The following CTNNBIP1 variants were observed in gnomAD, a reference collection of about 807,000 sequenced individuals.
CTNNBIP1 encodes the protein catenin beta interacting protein 1.
A neutral mutation model predicts 11.8 loss-of-function variants in CTNNBIP1; 7 were observed. That is an observed-to-expected ratio of 0.60 (90% CI 0.34 to 1.12). The LOEUF is 1.12. CTNNBIP1 is among the 50% of genes most tolerant of loss of function. The probability of loss-of-function intolerance (pLI) is 0.03; values close to 1 mark genes in which losing one functional copy is unlikely to be tolerated. For missense variants in CTNNBIP1, 101 were observed against 113.4 expected (o/e 0.89, Z 0.50); for synonymous variants, 58 against 43.9 (o/e 1.32, Z -1.26).
intron 3 of CTNNBIP1, among the ~76,000 whole-genome samples, chr1:9,874,613 C>T (rs1188946570): frequency 2.8e-5 from 4 of 143,274 alleles, no homozygotes; most frequent in Admixed American, 1.3e-4. Context: ...TGCCCACTGC[C>T]CACTGCCAAG....
chr1:9,892,599 AAAAAG>A (rs1023474416), intron 1 of CTNNBIP1, among the ~76,000 whole-genome samples: 4 of 152,022 alleles, frequency 2.6e-5, no homozygotes, highest in African/African-American at 9.7e-5. Context: ...TCAAAAAAAA[AAAAAG>A]AAAAGAAGTT....
At chr1:9,900,487 A>C (rs1639501808) in intron 1 of CTNNBIP1, among the ~76,000 whole-genome samples, 1 of 152,206 alleles carries the variant, frequency 6.6e-6, no homozygotes, top group Non-Finnish European at 1.5e-5. Flanking sequence ...TAAGCACTTC[A>C]ATCTCCACTG....
At chr1:9,897,449 G>A (rs1256456145) in intron 1 of CTNNBIP1, among the ~76,000 whole-genome samples, 7 of 151,552 alleles carry the variant, frequency 4.6e-5, no homozygotes, top group Non-Finnish European at 7.4e-5. Flanking sequence ...GCGAGACTCC[G>A]TCTCAAAAAA....
At chr1:9,865,569 A>C (rs1638726755) in intron 5 of CTNNBIP1, among the ~76,000 whole-genome samples, 1 of 152,112 alleles carries the variant, frequency 6.6e-6, no homozygotes, top group Non-Finnish European at 1.5e-5. Flanking sequence ...GCACCATTGC[A>C]CTCCAGCCTG....
At chr1:9,907,379 C>A (rs1010384199) in intron 1 of CTNNBIP1, among the ~76,000 whole-genome samples, 1 of 152,118 alleles carries the variant, frequency 6.6e-6, no homozygotes, top group Admixed American at 6.5e-5. Flanking sequence ...CCATGTTGCC[C>A]AGGCTGGTCT....
intron 1 of CTNNBIP1, among the ~76,000 whole-genome samples, chr1:9,886,196 G>A (rs903171812): frequency 6.6e-6 from 1 of 152,164 alleles, no homozygotes; most frequent in African/African-American, 2.4e-5. Context: ...GGACAGAGAG[G>A]CGGGAGGGGA....
intron 3 of CTNNBIP1, among the ~76,000 whole-genome samples, chr1:9,876,845 TACACAC>T (rs34192085): frequency 0.048 from 6,599 of 138,102 alleles, 267 homozygotes; most frequent in African/African-American, 0.12. Context: ...CTGCTATACA[TACACAC>T]ACACACACAC....
chr1:9,885,381 G>A (rs1434470750), intron 1 of CTNNBIP1, among the ~76,000 whole-genome samples: 1 of 152,110 alleles, frequency 6.6e-6, no homozygotes, highest in Admixed American at 6.6e-5. Flanking sequence ...TGTAGAAAGG[G>A]GGTGATAACA....
chr1:9,865,468 G>C (rs903606262), intron 5 of CTNNBIP1, among the ~76,000 whole-genome samples: 1 of 151,960 alleles, frequency 6.6e-6, no homozygotes, highest in Non-Finnish European at 1.5e-5. Flanking sequence ...GCCAGGCGTG[G>C]TGGCGGGCGC....
At chr1:9,889,243 ACCCTCATATT>A (rs1377128156) in intron 1 of CTNNBIP1, among the ~76,000 whole-genome samples, 1 of 152,140 alleles carries the variant, frequency 6.6e-6, no homozygotes, top group African/African-American at 2.4e-5. Flanking sequence ...ATCCAAGCTT[ACCCTCATATT>A]CCCTCTACAG....
chr1:9,869,830 T>C (rs1638825115), intron 5 of CTNNBIP1, among the ~76,000 whole-genome samples: 1 of 152,110 alleles, frequency 6.6e-6, no homozygotes, highest in South Asian at 2.1e-4. Flanking sequence ...TCAGAAGCCA[T>C]GGTAGAGGGT....
intron 5 of CTNNBIP1, among the ~76,000 whole-genome samples, chr1:9,857,451 G>A (rs1341734329): frequency 4.9e-5 from 7 of 143,034 alleles, no homozygotes; most frequent in Non-Finnish European, 7.5e-5. Context: ...AGATAGCACC[G>A]CTGCACTCCA....
intron 1 of CTNNBIP1, among the ~76,000 whole-genome samples, chr1:9,907,085 C>A (rs991134046): frequency 6.6e-6 from 1 of 152,304 alleles, no homozygotes; most frequent in Non-Finnish European, 1.5e-5. Context: ...CTGTGTAACC[C>A]CCAAGGTCCT....
At chr1:9,879,121 T>C (rs1253015833) in intron 2 of CTNNBIP1, among the ~76,000 whole-genome samples, 2 of 151,886 alleles carry the variant, frequency 1.3e-5, no homozygotes, top group East Asian at 1.9e-4. Flanking sequence ...CGGTTGAACC[T>C]GGGAGGCAGA....
chr1:9,898,823 T>C (rs1458529523), intron 1 of CTNNBIP1, among the ~76,000 whole-genome samples: 1 of 152,194 alleles, frequency 6.6e-6, no homozygotes, highest in Non-Finnish European at 1.5e-5. Flanking sequence ...CTTTAAATCA[T>C]CTCTAGATTA....
chr1:9,892,086 A>C (rs1639313384), intron 1 of CTNNBIP1, among the ~76,000 whole-genome samples: 2 of 151,782 alleles, frequency 1.3e-5, no homozygotes, highest in African/African-American at 4.8e-5. Context: ...CATTATAGAC[A>C]TGAGCCACCG....
intron 5 of CTNNBIP1, among the ~76,000 whole-genome samples, chr1:9,866,475 C>T (rs1324806085): frequency 1.3e-5 from 2 of 152,192 alleles, no homozygotes; most frequent in African/African-American, 2.4e-5. Flanking sequence ...GTATGGATCA[C>T]CTGAAGTCAG....
intron 5 of CTNNBIP1, among the ~76,000 whole-genome samples, chr1:9,866,751 G>A (rs558542989): frequency 6.6e-6 from 1 of 152,070 alleles, no homozygotes; most frequent in African/African-American, 2.4e-5. Flanking sequence ...CTCCAGCTGT[G>A]GGGGTAGAGA....
rs370993229 is a variant in CTNNBIP1 at position 9,866,356 on chromosome 1, C to T, written c.187+4831G>A. On this transcript the variant is annotated intron_variant, in intron 5 of 5. Coordinates refer to ENST00000377263, the MANE Select transcript of CTNNBIP1 (RefSeq NM_020248.3). ...GGTCTTGCTCACCAAGCTAAAGGGG[C>T]TGGATTTTATCCTCAAGGCAGTGGG... is the stretch of plus-strand genomic sequence containing the variant. Among the ~76,000 whole-genome samples, 344 of 152,274 alleles carry T rather than the reference C, an allele frequency of 2.3e-3. 1 individual carries two copies. Among genetic ancestry groups the T allele is most frequent in the African/African-American group, 7.9e-3 (328 of 41,574 alleles).
Sources: allele counts gnomAD v4.1 joint callset (sites outside exome capture counted in the v4.1 genomes callset), GRCh38; gene constraint gnomAD v4.1.1; transcripts MANE v1.5; gene names NCBI Gene and HGNC (gene_info 2026-07-23, HGNC 2026-07-21).